NTM: variants seen among roughly 807,000 people sequenced by gnomAD.
NTM encodes IgLON family member 2.
A neutral mutation model predicts 42.1 loss-of-function variants in NTM; 13 were observed. That is an observed-to-expected ratio of 0.31 (90% CI 0.20 to 0.49). The LOEUF is 0.49. Ranked by LOEUF, NTM falls within the 20% of genes least tolerant of loss-of-function variation. The pLI, the probability that NTM is intolerant of heterozygous loss-of-function variation, is 0.99. For synonymous variants in NTM, 187 were observed against 179.2 expected, an observed-to-expected ratio of 1.04 and a Z score of -0.35; for missense variants, 373 against 452.8, an observed-to-expected ratio of 0.82 and a Z score of 1.60.
At chr11:131,440,902 C>T (rs1949572537) in intron 1 of NTM, among the ~76,000 whole-genome samples, 2 of 138,992 alleles carry the variant, frequency 1.4e-5, no homozygotes, top group Middle Eastern at 4.1e-3. Flanking sequence ...CCTGAATCAG[C>T]TTGCTTCTCC....
At chr11:132,268,340 A>G (rs184081706) in intron 4 of NTM, among the ~76,000 whole-genome samples, 3 of 152,254 alleles carry the variant, frequency 2.0e-5, no homozygotes, top group East Asian at 1.9e-4. Context: ...TTTTATTTCA[A>G]TCTCTATCAC....
chr11:131,614,867 A>C (rs558927130), intron 1 of NTM, among the ~76,000 whole-genome samples: 1 of 152,308 alleles, frequency 6.6e-6, no homozygotes, highest in African/African-American at 2.4e-5. Flanking sequence ...CCCTCACGTG[A>C]CCAGCAGCAC....
Position 131,370,834 on chromosome 11 carries a change from A to G in NTM, c.28A>G (p.Asn10Asp). 6.2e-7 allele frequency: 1 copy of G among 1,614,076 alleles called. No individual in the cohort carries two copies. Among genetic ancestry groups the G allele is most frequent in the Non-Finnish European group, 8.5e-7 (1 of 1,179,996 alleles). The change falls in exon 1 of 9, where the codon AAT (asparagine) becomes GAT (aspartate). Residue 10 changes from asparagine (N) to aspartate (D), a missense_variant. Physicochemically the swap from Asn to Asp is conservative, Grantham distance 23. Coordinates refer to ENST00000683400, the MANE Select transcript of NTM (RefSeq NM_001352005.2). ...GAAAACCATCCAGCCAAAAATGCACAATTCTATCTCTTGGGCAATCTTCAC... is the reference window on the plus strand; with the variant it reads ...GAAAACCATCCAGCCAAAAATGCACGATTCTATCTCTTGGGCAATCTTCAC... MKTIQPKMHNSISWAIFTGL... is the reference protein window; with the variant it reads MKTIQPKMHDSISWAIFTGL...
At chr11:132,323,260 C>T (rs1328407299) in intron 7 of NTM, among the ~76,000 whole-genome samples, 1 of 150,952 alleles carries the variant, frequency 6.6e-6, no homozygotes, top group Non-Finnish European at 1.5e-5. Flanking sequence ...TTGAAAGGAT[C>T]AACAAAATTG....
At chr11:132,106,743 T>C (rs1245507032) in intron 2 of NTM, among the ~76,000 whole-genome samples, 2 of 152,224 alleles carry the variant, frequency 1.3e-5, no homozygotes, top group Non-Finnish European at 2.9e-5. Flanking sequence ...ATCGTGATGA[T>C]ACATCTTAGA....
intron 2 of NTM, among the ~76,000 whole-genome samples, chr11:132,072,284 A>G (rs1300544400): frequency 6.6e-6 from 1 of 152,180 alleles, no homozygotes; most frequent in Non-Finnish European, 1.5e-5. Flanking sequence ...CCAGGATATG[A>G]CAAGCCTCTT....
At chr11:131,382,139 C>A (rs758842882) in intron 1 of NTM, among the ~76,000 whole-genome samples, 2 of 152,050 alleles carry the variant, frequency 1.3e-5, no homozygotes, top group African/African-American at 4.8e-5. Flanking sequence ...TCATATACTG[C>A]GGTTCAGGCC....
intron 3 of NTM, among the ~76,000 whole-genome samples, chr11:132,186,623 C>G (rs2078440939): frequency 6.6e-6 from 1 of 152,188 alleles, no homozygotes; most frequent in Non-Finnish European, 1.5e-5. Context: ...GCTTTCAGGT[C>G]ATGGCATTGC....
chr11:132,073,732 G>A lies in NTM; in HGVS notation c.168-72550G>A, dbSNP rs118051168. Among the ~76,000 whole-genome samples the A allele has an allele frequency of 3.2e-4, 49 of 152,190 alleles. No individual in the cohort carries two copies. The East Asian group carries it at 5.0e-3, about 16-fold the overall frequency. ...TCCTGTGTGGCCCAAGGTTGCATTC[G>A]GAGGTCAGAGTAAATCCTGTCGCTA... On this transcript the variant is annotated intron_variant, in intron 2 of 8. Coordinates refer to ENST00000683400, the MANE Select transcript of NTM (RefSeq NM_001352005.2).
chr11:131,665,510 C>A (rs916236515), intron 1 of NTM, among the ~76,000 whole-genome samples: 1 of 152,054 alleles, frequency 6.6e-6, no homozygotes, highest in Non-Finnish European at 1.5e-5. Flanking sequence ...TCCAATATGA[C>A]GAATGTCCTT....
At chr11:132,023,470 G>A (rs1342096183) in intron 2 of NTM, among the ~76,000 whole-genome samples, 1 of 152,168 alleles carries the variant, frequency 6.6e-6, no homozygotes, top group Admixed American at 6.5e-5. Context: ...CCTGGCAAAG[G>A]TGTTGACCCT....
intron 1 of NTM, among the ~76,000 whole-genome samples, chr11:131,776,066 T>G (rs895510862): frequency 3.3e-5 from 5 of 152,262 alleles, no homozygotes; most frequent in Admixed American, 3.3e-4. Flanking sequence ...GGCCCCTGTG[T>G]CTCTCTCTGT....
chr11:132,321,253 A>AAAG (rs1475768601), intron 7 of NTM, among the ~76,000 whole-genome samples: 3 of 152,192 alleles, frequency 2.0e-5, no homozygotes, highest in African/African-American at 7.2e-5. Flanking sequence ...ATTTCAAACC[A>AAAG]AAGGCAAAGA....
chr11:132,311,692 A>G (rs369496828), intron 6 of NTM, among the ~76,000 whole-genome samples: 5 of 152,346 alleles, frequency 3.3e-5, no homozygotes, highest in Admixed American at 2.0e-4. Flanking sequence ...CAAATCTTCA[A>G]TTGTCTAGGT....
chr11:131,992,759 C>T (rs957266848), intron 2 of NTM, among the ~76,000 whole-genome samples: 1 of 152,146 alleles, frequency 6.6e-6, no homozygotes, highest in Non-Finnish European at 1.5e-5. Context: ...TAGCTTGGGT[C>T]TGGTGCCTAC....
intron 1 of NTM, among the ~76,000 whole-genome samples, chr11:131,568,690 G>A (rs1049233113): frequency 6.6e-6 from 1 of 152,122 alleles, no homozygotes; most frequent in Admixed American, 6.5e-5. Context: ...AGAATCCACA[G>A]CCTAGGTCCA....
At chr11:131,946,589 T>A (rs1048011985) in intron 2 of NTM, among the ~76,000 whole-genome samples, 1 of 152,232 alleles carries the variant, frequency 6.6e-6, no homozygotes, top group African/African-American at 2.4e-5. Context: ...GAACTTTATC[T>A]TTCTTCTCCA....
intron 3 of NTM, among the ~76,000 whole-genome samples, chr11:132,149,115 A>G (rs998066483): frequency 1.3e-5 from 2 of 150,856 alleles, no homozygotes; most frequent in African/African-American, 4.9e-5. Flanking sequence ...TGAATAGAGG[A>G]CCATAGTTTT....
chr11:132,262,939 T>C (rs2092956034), intron 4 of NTM, among the ~76,000 whole-genome samples: 1 of 152,116 alleles, frequency 6.6e-6, no homozygotes, highest in South Asian at 2.1e-4. Context: ...ATTTCCAAAA[T>C]ACAATAGTGG....
Sources: allele counts gnomAD v4.1 joint callset (sites outside exome capture counted in the v4.1 genomes callset), GRCh38; gene constraint gnomAD v4.1.1; transcripts MANE v1.5; gene names NCBI Gene and HGNC (gene_info 2026-07-23, HGNC 2026-07-21).